The following MAPK10 variants were observed in gnomAD, a reference collection of about 807,000 sequenced individuals.
MAPK10 encodes the protein mitogen-activated protein kinase 10.
MAPK10 carries 25 observed loss-of-function variants against 59.3 expected under a neutral mutation model. That is an observed-to-expected ratio of 0.42 (90% CI 0.31 to 0.59). The LOEUF (loss-of-function observed/expected upper bound fraction) is 0.59. Among genes scored for constraint, MAPK10 ranks in the 20% least tolerant of loss-of-function variants. The pLI, the probability that MAPK10 is intolerant of heterozygous loss-of-function variation, is 0.15. For synonymous variants in MAPK10, 190 were observed against 200.5 expected (o/e 0.95, Z 0.44); for missense variants, 351 against 568.9 (o/e 0.62, Z 3.90).
At chr4:86,031,063 A>G (rs2038908663) in intron 12 of MAPK10, among the ~76,000 whole-genome samples, 1 of 152,210 alleles carries the variant, frequency 6.6e-6, no homozygotes, top group Non-Finnish European at 1.5e-5. Flanking sequence ...GGAATTCTGA[A>G]CTAAAGCTTG....
At chr4:86,101,311 C>T in intron 7 of MAPK10, 94 bp from the exon 8 acceptor site, 1 of 828,292 alleles carries the variant, frequency 1.2e-6, no homozygotes, top group Non-Finnish European at 1.9e-6. Context: ...TGCAGTAGCA[C>T]TGATGAGGTC....
intron 2 of MAPK10, among the ~76,000 whole-genome samples, chr4:86,208,283 C>T (rs1471253834): frequency 2.0e-5 from 3 of 150,916 alleles, no homozygotes; most frequent in Non-Finnish European, 2.9e-5. Context: ...AGAGACACAA[C>T]CAAAAAAGAG....
intron 4 of MAPK10, chr4:86,127,481 T>G (rs2060264015): frequency 6.6e-6 from 1 of 152,110 alleles, no homozygotes; most frequent in Non-Finnish European, 1.5e-5. Context: ...AATGTGTATT[T>G]TAATTCCATA....
At chr4:86,096,352 GTTTT>G (rs1393697604) in intron 9 of MAPK10, among the ~76,000 whole-genome samples, 1 of 151,690 alleles carries the variant, frequency 6.6e-6, no homozygotes, top group Non-Finnish European at 1.5e-5. Flanking sequence ...ATGGTGCTTT[GTTTT>G]TTTGTTTGTT....
chr4:86,304,582 C>T (rs1361457486), intron 2 of MAPK10, among the ~76,000 whole-genome samples: 6 of 150,982 alleles, frequency 4.0e-5, no homozygotes, highest in African/African-American at 9.7e-5. Flanking sequence ...TTAGTAGAGA[C>T]GGGGTTTCAC....
intron 1 of MAPK10, among the ~76,000 whole-genome samples, chr4:86,483,542 C>G (rs1269844649): frequency 2.6e-5 from 4 of 151,590 alleles, no homozygotes; most frequent in Non-Finnish European, 4.4e-5. Context: ...AAACATCACG[C>G]TATAATTAAT....
intron 3 of MAPK10, among the ~76,000 whole-genome samples, chr4:86,180,623 T>C (rs1384953521): frequency 6.6e-6 from 1 of 151,632 alleles, no homozygotes; most frequent in Non-Finnish European, 1.5e-5. Context: ...CATGACTAGA[T>C]AAAGCAAATT....
intron 1 of MAPK10, among the ~76,000 whole-genome samples, chr4:86,467,513 T>TTTTGTTTGTTTG (rs58369823): frequency 3.3e-5 from 5 of 150,804 alleles, no homozygotes; most frequent in Non-Finnish European, 5.9e-5. Context: ...AAAACAGCAT[T>TTTTGTTTGTTTG]TTTGTTTGTT....
chr4:86,097,220 AAC>A (rs2054399096), intron 9 of MAPK10, among the ~76,000 whole-genome samples: 1 of 152,004 alleles, frequency 6.6e-6, no homozygotes, highest in Admixed American at 6.6e-5. Context: ...AGTGCTGAAT[AAC>A]CACATGTGGC....
At chr4:86,227,400 T>C (rs1171921225) in intron 2 of MAPK10, among the ~76,000 whole-genome samples, 4 of 147,238 alleles carry the variant, frequency 2.7e-5, no homozygotes, top group South Asian at 2.1e-4. Context: ...GGCAGGAGAA[T>C]GGCGTGAACC....
At chr4:86,134,149 T>A (rs1267286580) in intron 4 of MAPK10, among the ~76,000 whole-genome samples, 1 of 152,216 alleles carries the variant, frequency 6.6e-6, no homozygotes, top group Non-Finnish European at 1.5e-5. Context: ...TCTGTGAATG[T>A]GCTCTGGAGT....
chr4:86,551,179 A>G (rs1179127310), intron 1 of MAPK10, among the ~76,000 whole-genome samples: 1 of 151,406 alleles, frequency 6.6e-6, no homozygotes, highest in Non-Finnish European at 1.5e-5. Flanking sequence ...ACCAAACTGC[A>G]TATGTATATG....
chr4:86,136,675 C>A (rs1025069008), intron 4 of MAPK10, among the ~76,000 whole-genome samples: 41 of 150,550 alleles, frequency 2.7e-4, no homozygotes, highest in African/African-American at 9.9e-4. Context: ...ATCAAATTCA[C>A]ACATAACAAT....
At chr4:86,395,539 T>C (rs911568316) in intron 1 of MAPK10, among the ~76,000 whole-genome samples, 1 of 152,172 alleles carries the variant, frequency 6.6e-6, no homozygotes, top group Non-Finnish European at 1.5e-5. Flanking sequence ...CAGGTATTGA[T>C]AGTTTTTGGG....
At chr4:86,326,402 TGTGG>T (rs1251282850) in intron 2 of MAPK10, 1 of 152,192 alleles carries the variant, frequency 6.6e-6, no homozygotes, top group Non-Finnish European at 1.5e-5. Flanking sequence ...TAAGTCACAC[TGTGG>T]GGAGGACCAA....
At chr4:86,090,078 G>A (rs1203112484) in intron 9 of MAPK10, among the ~76,000 whole-genome samples, 1 of 152,104 alleles carries the variant, frequency 6.6e-6, no homozygotes, top group Non-Finnish European at 1.5e-5. Context: ...AAACCAGGAA[G>A]CCAGGGCAGA....
chr4:86,037,518 T>TA (rs58836254), intron 11 of MAPK10, among the ~76,000 whole-genome samples: 8,435 of 142,414 alleles, frequency 0.059, 256 homozygotes, highest in Middle Eastern at 0.12. Context: ...AGACTCCGTC[T>TA]AAAAAAAAAA....
chr4:86,023,850 T>TATATATATATAA (rs1241006302), intron 13 of MAPK10: 1 of 112,758 alleles, frequency 8.9e-6, no homozygotes, highest in Non-Finnish European at 1.8e-5. Flanking sequence ...TATATATATA[T>TATATATATATAA]AAAATGAATG....
chr4:86,555,252 G>A (rs956982114), intron 1 of MAPK10, among the ~76,000 whole-genome samples: 3 of 152,096 alleles, frequency 2.0e-5, no homozygotes, highest in Admixed American at 6.5e-5. Context: ...TCAAGACCAG[G>A]CTGACCAATA....
Sources: allele counts gnomAD v4.1 joint callset (sites outside exome capture counted in the v4.1 genomes callset), GRCh38; gene constraint gnomAD v4.1.1; transcripts MANE v1.5; gene names NCBI Gene and HGNC (gene_info 2026-07-23, HGNC 2026-07-21).